Variants in DCP1A observed in about 807,000 individuals in gnomAD.
The protein encoded by DCP1A is mRNA-decapping enzyme 1A.
Under a neutral mutation model 58.0 loss-of-function variants are expected in DCP1A, and 20 were observed. The ratio of observed to expected loss-of-function variants is 0.34; its 90% CI spans 0.24 to 0.50. The LOEUF is 0.50. Among genes scored for constraint, DCP1A ranks in the 20% least tolerant of loss-of-function variants. DCP1A has a pLI of 0.98. For synonymous variants in DCP1A, 285 were observed against 275.1 expected (o/e 1.04, Z -0.36); for missense variants, 613 against 712.2 (o/e 0.86, Z 1.59).
rs369203593 is a variant in DCP1A, at chr3:53,304,189, C to T, written c.612G>A (p.Gly204=). Residue 204 remains glycine (G), a synonymous_variant, in exon 6 of 10, where the codon GGG becomes GGA. Transcript: ENST00000610213. ...TAGCTGTACAAACCTTATCCTGTGA[C>T]CCGGAGGGCATTTCTTCTAGAGTCT... ...STETLEEMPS[G]SQDKSAPSGH... 5 of 1,612,542 alleles carry T rather than the reference C, an allele frequency of 3.1e-6. No homozygotes were observed. Among genetic ancestry groups the T allele is most frequent in the Non-Finnish European group, 4.2e-6 (5 of 1,178,980 alleles).
Position 53,286,496 on chromosome 3 carries a change from T to A in DCP1A, c.*1084A>T, listed in dbSNP as rs1412577250. ...AGATCAATAGCAGCATAACAAAGCT[T>A]CTTTACATATTTTCACACTTTGGGC... On this transcript the variant is annotated 3_prime_UTR_variant, in exon 10 of 10. Transcript: ENST00000610213. 4 of 152,232 alleles carry A rather than the reference T, an allele frequency of 2.6e-5. No homozygotes were observed. The highest frequency in any genetic ancestry group is 5.9e-5 in the Non-Finnish European group (4 of 68,040). 9.4% of individuals were successfully genotyped at this position (152,232 alleles called of 1,614,324 possible). A position where few individuals can be genotyped will look rare whatever the true frequency, so the allele number is the denominator to read the frequency against.
chr3:53,338,425 A>C (rs1028337828), intron 3 of DCP1A, among the ~76,000 whole-genome samples: 3 of 151,870 alleles, frequency 2.0e-5, no homozygotes, highest in Non-Finnish European at 2.9e-5. Context: ...TTTTGAAAAC[A>C]ACCACCACCA....
chr3:53,339,954 C>T (rs1553692362), intron 3 of DCP1A, among the ~76,000 whole-genome samples: 1 of 152,138 alleles, frequency 6.6e-6, no homozygotes. Context: ...CAGGGTCTCG[C>T]TTGTTGCCCA....
chr3:53,325,806 G>C (rs1708089237), intron 3 of DCP1A, among the ~76,000 whole-genome samples: 1 of 152,166 alleles, frequency 6.6e-6, no homozygotes, highest in Non-Finnish European at 1.5e-5. Flanking sequence ...ACAGGAAAAA[G>C]GATATGGAGC....
chr3:53,347,297 G>T, intron 1 of DCP1A, 86 bp downstream of exon 1: 1 of 1,381,840 alleles, frequency 7.2e-7, no homozygotes. Context: ...CTCTTAGTGT[G>T]CCCCCCCACC....
intron 4 of DCP1A, among the ~76,000 whole-genome samples, chr3:53,315,048 A>G (rs1553689087): frequency 6.6e-6 from 1 of 152,164 alleles, no homozygotes; most frequent in East Asian, 1.9e-4. Flanking sequence ...GGACTCTCAC[A>G]TAAACGAGGC....
Position 53,288,261 on chromosome 3 carries a change from G to A in DCP1A, c.1472C>T (p.Thr491Ile). 2 of 1,612,154 alleles carry A rather than the reference G, an allele frequency of 1.2e-6. No homozygotes were observed. Among genetic ancestry groups the A allele is most frequent in the Non-Finnish European group, 1.7e-6 (2 of 1,179,098 alleles). ...AIPVAGAPLVTATTTAVSSVL... is the reference protein window; with the variant it reads ...AIPVAGAPLVIATTTAVSSVL... The stretch of plus-strand genomic sequence containing the variant: ...TGAAGACACTGCAGTGGTCGTTGCA[G>A]TAACCAGTGGGGCGCCTGCAACCTG... The change falls in exon 9 of 10, where the codon ACT becomes ATT. Residue 491 changes from threonine (T) to isoleucine (I), a missense_variant. Transcript: ENST00000610213.
chr3:53,332,488 T>C (rs571038755), intron 3 of DCP1A, among the ~76,000 whole-genome samples: 3 of 152,358 alleles, frequency 2.0e-5, no homozygotes, highest in Admixed American at 2.0e-4. Context: ...TTATTCCTAA[T>C]ACTGCATATT....
At chr3:53,343,508 T>C (rs2089245545) in intron 2 of DCP1A, among the ~76,000 whole-genome samples, 1 of 152,208 alleles carries the variant, frequency 6.6e-6, no homozygotes, top group African/African-American at 2.4e-5. Flanking sequence ...AAAGTACTTT[T>C]ACCAAATATC....
chr3:53,312,411 C>A, intron 4 of DCP1A, 32 bp from the exon 5 acceptor site: 1 of 1,521,370 alleles, frequency 6.6e-7, no homozygotes, highest in Non-Finnish European at 8.8e-7. Flanking sequence ...TTAGAAAGGC[C>A]TCTTGAAACA....
At chr3:53,293,727 G>A (rs1313032770) in intron 6 of DCP1A, among the ~76,000 whole-genome samples, 2 of 152,150 alleles carry the variant, frequency 1.3e-5, no homozygotes, top group African/African-American at 4.8e-5. Flanking sequence ...AGGCCCCAAA[G>A]TACACTGCAA....
intron 7 of DCP1A, among the ~76,000 whole-genome samples, chr3:53,291,309 C>T (rs1434239608): frequency 1.5e-5 from 2 of 135,244 alleles, no homozygotes; most frequent in Non-Finnish European, 1.7e-5. Context: ...CATCCCCTCA[C>T]GAATTTTTCC....
chr3:53,291,021 G>T (rs1553685918), intron 7 of DCP1A, among the ~76,000 whole-genome samples, 165 bp from the exon 8 acceptor site: 1 of 152,162 alleles, frequency 6.6e-6, no homozygotes, highest in Non-Finnish European at 1.5e-5. Flanking sequence ...GAGTCTGACA[G>T]GAACCTGTAA....
intron 6 of DCP1A, among the ~76,000 whole-genome samples, chr3:53,293,150 C>T (rs906089166): frequency 3.3e-5 from 5 of 152,098 alleles, no homozygotes; most frequent in African/African-American, 7.2e-5. Context: ...GGAAATGACA[C>T]TAGAGGAGAC....
At chr3:53,297,364 T>C (rs1707162712) in intron 6 of DCP1A, among the ~76,000 whole-genome samples, 1 of 152,026 alleles carries the variant, frequency 6.6e-6, no homozygotes, top group African/African-American at 2.4e-5. Flanking sequence ...ATTCTTTTTT[T>C]TTTTTTTTTA....
intron 6 of DCP1A, among the ~76,000 whole-genome samples, chr3:53,298,338 C>T (rs2106809069): frequency 6.6e-6 from 1 of 151,958 alleles, no homozygotes; most frequent in East Asian, 1.9e-4. Context: ...CCTATAACTA[C>T]TGCGAGGCCA....
Position 53,336,113 on chromosome 3 carries a change from T to G in DCP1A, c.304+6031A>C, listed in dbSNP as rs190803088. Among the ~76,000 whole-genome samples, 383 of 151,284 alleles carry G rather than the reference T, an allele frequency of 2.5e-3. 3 individuals carry two copies. The highest frequency in any genetic ancestry group is 8.6e-3 in the African/African-American group (352 of 41,156). ...CTGTGCCTGGCAGCATTTTATTCTT[T>G]TCTTTTTGAGATGGAGTTTAGCTCT... On this transcript the variant is annotated intron_variant, in intron 3 of 9. Transcript: ENST00000610213.
At chr3:53,333,872 G>C (rs1435580578) in intron 3 of DCP1A, among the ~76,000 whole-genome samples, 1 of 152,082 alleles carries the variant, frequency 6.6e-6, no homozygotes, top group Admixed American at 6.6e-5. Flanking sequence ...CTCACACAGA[G>C]ACACCAGCCT....
chr3:53,288,878 A>G (rs1466243517), intron 8 of DCP1A, among the ~76,000 whole-genome samples: 2 of 152,102 alleles, frequency 1.3e-5, no homozygotes, highest in Non-Finnish European at 2.9e-5. Flanking sequence ...TTAGCTGGGC[A>G]TGGTGGCGTG....
Sources: allele counts gnomAD v4.1 joint callset (sites outside exome capture counted in the v4.1 genomes callset), GRCh38; gene constraint gnomAD v4.1.1; transcripts MANE v1.5; gene names NCBI Gene and HGNC (gene_info 2026-07-23, HGNC 2026-07-21).